The following KAZN variants were observed in gnomAD, a reference collection of about 807,000 sequenced individuals.
KAZN encodes kazrin.
A neutral mutation model predicts 87.4 loss-of-function variants in KAZN; 40 were observed. That is an observed-to-expected ratio of 0.46 (90% CI 0.36 to 0.60). The LOEUF (loss-of-function observed/expected upper bound fraction) is 0.60. KAZN is among the 20% of genes least tolerant of loss of function. KAZN has a pLI of 0.00. For missense variants in KAZN, 898 were observed against 1,073.9 expected, an observed-to-expected ratio of 0.84 and a Z score of 2.29; for synonymous variants, 466 against 458.3, an observed-to-expected ratio of 1.02 and a Z score of -0.22.
At chr1:14,436,373 T>C (rs1357940319) in intron 2 of KAZN, among the ~76,000 whole-genome samples, 1 of 151,884 alleles carries the variant, frequency 6.6e-6, no homozygotes, top group Admixed American at 6.6e-5. Context: ...GTGGTGGTGG[T>C]GGTGGAGGAG....
intron 1 of KAZN, among the ~76,000 whole-genome samples, chr1:14,691,169 G>T (rs1572235099): frequency 6.6e-6 from 1 of 152,016 alleles, no homozygotes; most frequent in Admixed American, 6.6e-5. Context: ...TTGATGGATG[G>T]CTCGGTACTT....
At chr1:14,515,889 A>C (rs1357532413) in intron 2 of KAZN, among the ~76,000 whole-genome samples, 1 of 152,022 alleles carries the variant, frequency 6.6e-6, no homozygotes, top group Non-Finnish European at 1.5e-5. Context: ...ATTTCTCCCA[A>C]CTAAAAAGAA....
At chr1:14,362,424 C>T (rs1659599232) in intron 2 of KAZN, among the ~76,000 whole-genome samples, 1 of 152,182 alleles carries the variant, frequency 6.6e-6, no homozygotes, top group African/African-American at 2.4e-5. Flanking sequence ...ACATTGCAAT[C>T]TTATGTGACA....
At chr1:15,059,052 G>A (rs1638547456) in intron 5 of KAZN, among the ~76,000 whole-genome samples, 1 of 150,586 alleles carries the variant, frequency 6.6e-6, no homozygotes, top group South Asian at 2.1e-4. Flanking sequence ...CAAGCAGAAC[G>A]ATGACAGATT....
At chr1:14,540,965 A>G (rs566687282) in intron 2 of KAZN, among the ~76,000 whole-genome samples, 2 of 152,336 alleles carry the variant, frequency 1.3e-5, no homozygotes, top group African/African-American at 4.8e-5. Context: ...AATTAGATGA[A>G]CAAGGACAGG....
At chr1:14,529,565 T>C (rs986141142) in intron 2 of KAZN, among the ~76,000 whole-genome samples, 1 of 152,076 alleles carries the variant, frequency 6.6e-6, no homozygotes, top group Middle Eastern at 3.2e-3. Context: ...ATTCAGAGCA[T>C]GAGGTTTTCT....
At chr1:14,478,219 T>A in intron 2 of KAZN, among the ~76,000 whole-genome samples, 3 of 133,176 alleles carry the variant, frequency 2.3e-5, no homozygotes, top group African/African-American at 8.6e-5. Context: ...GATAGATGGA[T>A]GGATAGAAGG....
At chr1:13,902,430 G>T (rs540540755) in intron 1 of KAZN, among the ~76,000 whole-genome samples, 31 of 152,280 alleles carry the variant, frequency 2.0e-4, no homozygotes, top group Non-Finnish European at 4.3e-4. Flanking sequence ...TTAACTTCAT[G>T]CAGGCTGTTT....
intron 2 of KAZN, among the ~76,000 whole-genome samples, chr1:14,213,856 G>A (rs1646905591): frequency 2.0e-5 from 3 of 152,196 alleles, no homozygotes; most frequent in South Asian, 4.1e-4. Context: ...CACAGTAGCA[G>A]TAGAAGTGTC....
chr1:14,439,429 C>T (rs1016436951), intron 2 of KAZN, among the ~76,000 whole-genome samples: 2 of 152,124 alleles, frequency 1.3e-5, no homozygotes, highest in African/African-American at 4.8e-5. Context: ...CCTACTTAGA[C>T]CCCCTCCTCA....
rs1218381959 is a variant in KAZN, at chr1:14,544,398, T to A, written c.250-54585T>A. Among the ~76,000 whole-genome samples, 3 of 137,144 alleles carry A rather than the reference T, an allele frequency of 2.2e-5. No homozygotes were observed. The Admixed American group carries it at 2.6e-4, about 12-fold the overall frequency. 90.0% of individuals were successfully genotyped at this position (137,144 alleles called of 152,430 possible). The stretch of plus-strand genomic sequence containing the variant: ...CTTTTAAAGAATCTTCTCAAAAATG[T>A]GAAAAAGTGGGCTCCTTTAATCCCA... On this transcript the variant is annotated intron_variant, in intron 2 of 16. Transcript: ENST00000636203.
intron 2 of KAZN, among the ~76,000 whole-genome samples, chr1:14,406,893 C>T (rs1663896471): frequency 1.3e-5 from 2 of 152,090 alleles, no homozygotes; most frequent in African/African-American, 4.8e-5. Context: ...TAGTAGATAG[C>T]TCATAGGCTT....
chr1:14,696,961 G>C (rs774480922), intron 1 of KAZN, among the ~76,000 whole-genome samples: 2 of 152,002 alleles, frequency 1.3e-5, no homozygotes, highest in East Asian at 3.9e-4. Context: ...TTGGTTCCAG[G>C]TGACGTTTCC....
chr1:13,934,704 C>T (rs1640654226), intron 1 of KAZN, among the ~76,000 whole-genome samples: 1 of 152,094 alleles, frequency 6.6e-6, no homozygotes, highest in African/African-American at 2.4e-5. Context: ...CTTTAAGACC[C>T]AAAGTTGGAA....
At chr1:14,321,793 G>A (rs1656068795) in intron 2 of KAZN, among the ~76,000 whole-genome samples, 3 of 152,118 alleles carry the variant, frequency 2.0e-5, no homozygotes, top group African/African-American at 7.2e-5. Context: ...ATTAAAGAGA[G>A]CACATTTCCT....
chr1:14,229,636 AG>A (rs1389535314), intron 2 of KAZN, among the ~76,000 whole-genome samples: 1 of 152,238 alleles, frequency 6.6e-6, no homozygotes, highest in Non-Finnish European at 1.5e-5. Context: ...TATTCATATA[AG>A]GGCCCTCTAA....
intron 2 of KAZN, among the ~76,000 whole-genome samples, chr1:14,385,289 A>G (rs996648498): frequency 1.3e-5 from 2 of 152,074 alleles, no homozygotes; most frequent in Non-Finnish European, 2.9e-5. Context: ...ATTTTTTGAA[A>G]GATTTTTTGT....
At chr1:14,172,783 T>TC (rs1011884519) in intron 1 of KAZN, among the ~76,000 whole-genome samples, 3 of 152,220 alleles carry the variant, frequency 2.0e-5, no homozygotes, top group Non-Finnish European at 4.4e-5. Flanking sequence ...TTGGCCCTTC[T>TC]CTATATTGCA....
chr1:14,245,580 G>C (rs1649422295), intron 2 of KAZN, among the ~76,000 whole-genome samples: 1 of 152,044 alleles, frequency 6.6e-6, no homozygotes, highest in African/African-American at 2.4e-5. Flanking sequence ...GGACTTGCTT[G>C]TCCAAGTACA....
Sources: gnomAD v4.1 joint callset for allele counts (sites outside exome capture counted in the v4.1 genomes callset) on GRCh38, gnomAD v4.1.1 for gene constraint, MANE v1.5 for transcripts, NCBI Gene and HGNC (gene_info 2026-07-23, HGNC 2026-07-21) for gene names.